The following RNF144A variants were observed in gnomAD, a reference collection of about 807,000 sequenced individuals.
RNF144A encodes the protein E3 ubiquitin-protein ligase RNF144A.
In RNF144A, 11 loss-of-function variants were observed where a neutral mutation model predicts 38.7. The observed-to-expected ratio is 0.28, with a 90% CI of 0.18 to 0.47. The LOEUF is 0.47. Among genes scored for constraint, RNF144A ranks in the 20% least tolerant of loss-of-function variants. The pLI, the probability that RNF144A is intolerant of heterozygous loss-of-function variation, is 0.99. For missense variants in RNF144A, 316 were observed against 377.2 expected (o/e 0.84, Z 1.34); for synonymous variants, 149 against 143.9 (o/e 1.04, Z -0.25).
intron 3 of RNF144A, among the ~76,000 whole-genome samples, chr2:7,006,768 AT>A (rs1292384422): frequency 1.3e-5 from 2 of 151,986 alleles, no homozygotes; most frequent in Admixed American, 6.6e-5. Flanking sequence ...CACTCAGTCT[AT>A]TTAAGTGGGG....
intron 3 of RNF144A, among the ~76,000 whole-genome samples, chr2:7,014,195 G>C (rs1480318033): frequency 6.6e-6 from 1 of 152,164 alleles, no homozygotes; most frequent in Non-Finnish European, 1.5e-5. Context: ...TGTTTGCTGA[G>C]GTTTTGTGCC....
chr2:7,075,800 T>C, the RNF144A span, among the ~76,000 whole-genome samples: 1 of 152,198 alleles, frequency 6.6e-6, no homozygotes, highest in Non-Finnish European at 1.5e-5. Context: ...ACTTCCACTA[T>C]ATGCTACTGA....
intron 8 of RNF144A, among the ~76,000 whole-genome samples, chr2:7,038,106 T>A (rs1672800773): frequency 6.6e-6 from 1 of 152,178 alleles, no homozygotes; most frequent in Admixed American, 6.5e-5. Context: ...TAACTAGGGA[T>A]AAACATGTTT....
intron 6 of RNF144A, among the ~76,000 whole-genome samples, chr2:7,064,488 G>T (rs925492343): frequency 4.6e-5 from 7 of 152,150 alleles, no homozygotes; most frequent in African/African-American, 1.7e-4. Flanking sequence ...GTGACTCCAC[G>T]GGGAGGCTAA....
In RNF144A at chr2:7,039,697, T is replaced by C. The variant is rs772658335; in HGVS notation, c.816T>C (p.Thr272=). 6.2e-7 allele frequency: 1 copy of C among 1,614,120 alleles called. No homozygotes were observed. The highest frequency in any genetic ancestry group is 1.1e-5 in the South Asian group (1 of 91,074). The change falls in exon 9 of 9, where the codon ACT becomes ACC. Residue 272 remains threonine (T), a synonymous_variant. Coordinates refer to ENST00000320892, the MANE Select transcript of RNF144A (RefSeq NM_014746.6). ...CCTCACCTTTCCTACTCCTGGCCACTCCCTTTGTACTTTGCTGCAAGTGCA... is the reference window on the plus strand; with the variant it reads ...CCTCACCTTTCCTACTCCTGGCCACCCCCTTTGTACTTTGCTGCAAGTGCA... ...LVASPFLLLA[T]PFVLCCKCKC... is the part of the protein sequence containing the mutation.
At chr2:6,933,543 C>T (rs1314277928) in intron 1 of RNF144A, among the ~76,000 whole-genome samples, 1 of 152,056 alleles carries the variant, frequency 6.6e-6, no homozygotes, top group Non-Finnish European at 1.5e-5. Flanking sequence ...TATAGTATCT[C>T]ATGGGTACTG....
intron 6 of RNF144A, among the ~76,000 whole-genome samples, chr2:7,057,091 G>A (rs2103476911): frequency 6.6e-6 from 1 of 152,278 alleles, no homozygotes; most frequent in East Asian, 1.9e-4. Flanking sequence ...GGATGCTTAT[G>A]GGGACTATTA....
At chr2:6,930,638 C>T (rs1665148762) in intron 1 of RNF144A, among the ~76,000 whole-genome samples, 1 of 152,106 alleles carries the variant, frequency 6.6e-6, no homozygotes, top group Non-Finnish European at 1.5e-5. Context: ...GTCACTCAGG[C>T]TGGAGTGCAG....
chr2:7,040,592 G>T lies in RNF144A; in HGVS notation c.*832G>T. 10 of 985,384 alleles carry T rather than the reference G, an allele frequency of 1.0e-5. No individual in the cohort carries two copies. Among genetic ancestry groups the T allele is most frequent in the Non-Finnish European group, 1.2e-5 (10 of 829,874 alleles). 61.0% of individuals were successfully genotyped at this position (985,384 alleles called of 1,614,324 possible). A position where few individuals can be genotyped will look rare whatever the true frequency, so the allele number is the denominator to read the frequency against. ...GGCCTCATCCCTTCTCTCCCAGGTA[G>T]CAGAAAACGCTTTTTATTGTATTCA... On this transcript the variant is annotated 3_prime_UTR_variant, in exon 9 of 9. Coordinates refer to ENST00000320892, the MANE Select transcript of RNF144A (RefSeq NM_014746.6).
chr2:6,944,651 C>T lies in RNF144A; in HGVS notation c.-12+3504C>T, dbSNP rs1422896890. On this transcript the variant is annotated intron_variant, in intron 2 of 8. Transcript: ENST00000320892. This position sits in a 1 kb window ranked among gnomAD's most constrained non-coding sequence, Gnocchi z 4.7. ...TCTTTCCCTGCAGTGCTTTTGCTGGCCCCGAGATAGGGTCTCCTCAGGTGT... is the reference window on the plus strand; with the variant it reads ...TCTTTCCCTGCAGTGCTTTTGCTGGTCCCGAGATAGGGTCTCCTCAGGTGT... Among the ~76,000 whole-genome samples the T allele has an allele frequency of 6.6e-6, 1 of 152,116 alleles. No homozygotes were observed. The highest frequency in any genetic ancestry group is 2.4e-5 in the African/African-American group (1 of 41,418).
chr2:7,048,994 A>G (rs1673414980), downstream of RNF144A, among the ~76,000 whole-genome samples: 1 of 152,214 alleles, frequency 6.6e-6, no homozygotes, highest in African/African-American at 2.4e-5. Flanking sequence ...CCGGGGGCTC[A>G]GGATGTGGTG....
chr2:7,031,561 G>A (rs1247600860), intron 8 of RNF144A, among the ~76,000 whole-genome samples: 6 of 152,214 alleles, frequency 3.9e-5, no homozygotes, highest in African/African-American at 1.4e-4. Context: ...ATTGGCTGCT[G>A]CTCCCTGCCT....
chr2:6,950,065 G>A (rs1352493687), intron 2 of RNF144A, among the ~76,000 whole-genome samples: 1 of 152,110 alleles, frequency 6.6e-6, no homozygotes, highest in Non-Finnish European at 1.5e-5. Flanking sequence ...CGTTTAAAGA[G>A]CTGTATTCAG....
intron 3 of RNF144A, among the ~76,000 whole-genome samples, chr2:7,007,845 G>A (rs951448340): frequency 1.3e-5 from 2 of 152,192 alleles, no homozygotes; most frequent in African/African-American, 2.4e-5. Flanking sequence ...AACGGGCCGC[G>A]CTGCCCACAC....
chr2:7,043,219 C>A lies in RNF144A; in HGVS notation c.*3459C>A. On this transcript the variant is annotated 3_prime_UTR_variant, in exon 9 of 9. Coordinates refer to ENST00000320892, the MANE Select transcript of RNF144A (RefSeq NM_014746.6). ...CTTGACAACATATTATTCCATAAAACCAGTTTAGGGCACAGGCCAGTTCCT... is the reference window on the plus strand; with the variant it reads ...CTTGACAACATATTATTCCATAAAAACAGTTTAGGGCACAGGCCAGTTCCT... 1 of 985,304 alleles carries A rather than the reference C, an allele frequency of 1.0e-6. No homozygotes were observed. The highest frequency in any genetic ancestry group is 1.2e-6 in the Non-Finnish European group (1 of 829,858). The allele number at this position is 985,304 out of a possible 1,614,324, so 61.0% of individuals were successfully genotyped here.
At chr2:6,979,624 G>A (rs771773505) in intron 2 of RNF144A, among the ~76,000 whole-genome samples, 5 of 152,094 alleles carry the variant, frequency 3.3e-5, no homozygotes, top group African/African-American at 4.8e-5. Flanking sequence ...GGGACCAGAA[G>A]TTATTGTTTA....
intron 6 of RNF144A, among the ~76,000 whole-genome samples, chr2:7,023,610 G>A (rs1403373263): frequency 2.0e-5 from 3 of 152,232 alleles, no homozygotes; most frequent in South Asian, 4.1e-4. Context: ...TTAACAGCAT[G>A]GGGTGAGTCA....
rs531477641 is a variant in RNF144A, at chr2:7,049,488, T to C, written c.735-18728T>C. On this transcript the variant is annotated intron_variant, in intron 6 of 6. Coordinates refer to the RNF144A transcript ENST00000432850. ...TGCTGATTTCACCTGGCATACAAAA[T>C]CCTGAAAAACGAGTCTCTTGGAATC... Among the ~76,000 whole-genome samples the C allele has an allele frequency of 9.2e-5, 14 of 152,258 alleles. No homozygotes were observed. The South Asian group carries it at 2.7e-3, about 29-fold the overall frequency.
chr2:6,949,302 G>A (rs1204067991), intron 2 of RNF144A, among the ~76,000 whole-genome samples: 2 of 151,748 alleles, frequency 1.3e-5, no homozygotes, highest in Non-Finnish European at 2.9e-5. Flanking sequence ...AATGTTTCCA[G>A]GATGGGGAAA....
Sources: allele counts gnomAD v4.1 joint callset (sites outside exome capture counted in the v4.1 genomes callset), GRCh38; gene constraint gnomAD v4.1.1; non-coding constraint Gnocchi (gnomAD v3.1); transcripts MANE v1.5; gene names NCBI Gene and HGNC (gene_info 2026-07-23, HGNC 2026-07-21).